PDSS2: variants seen among roughly 807,000 people sequenced by gnomAD.
PDSS2 encodes decaprenyl diphosphate synthase subunit 2.
PDSS2 carries 31 observed loss-of-function variants against 44.5 expected under a neutral mutation model. The ratio of observed to expected loss-of-function variants is 0.70; its 90% CI spans 0.52 to 0.94. PDSS2 has a LOEUF of 0.94. PDSS2 is among the 40% of genes least tolerant of loss of function. PDSS2 has a pLI of 0.00. For missense variants in PDSS2, 452 were observed against 482.2 expected, an observed-to-expected ratio of 0.94 and a Z score of 0.59; for synonymous variants, 157 against 180.3, an observed-to-expected ratio of 0.87 and a Z score of 1.03.
intron 1 of PDSS2, among the ~76,000 whole-genome samples, chr6:107,386,544 C>A (rs1779617595): frequency 6.6e-6 from 1 of 152,136 alleles, no homozygotes; most frequent in African/African-American, 2.4e-5. Flanking sequence ...TCTGACCATT[C>A]ATGTCATAAA....
At chr6:107,430,679 G>T (rs2114752318) in intron 1 of PDSS2, among the ~76,000 whole-genome samples, 1 of 151,132 alleles carries the variant, frequency 6.6e-6, no homozygotes, top group East Asian at 2.0e-4. Flanking sequence ...CGTGGTAGTG[G>T]GTGCCTGTAA....
At chr6:107,412,081 G>T (rs186912167) in intron 1 of PDSS2, among the ~76,000 whole-genome samples, 1 of 150,966 alleles carries the variant, frequency 6.6e-6, no homozygotes, top group Admixed American at 6.6e-5. Flanking sequence ...AGAAACGGGG[G>T]TTTCACCATG....
At chr6:107,203,787 C>A (rs1212779821) in intron 6 of PDSS2, among the ~76,000 whole-genome samples, 1 of 152,078 alleles carries the variant, frequency 6.6e-6, no homozygotes, top group Non-Finnish European at 1.5e-5. Context: ...CAGAAGGAGA[C>A]CTGTACCCAT....
chr6:107,408,426 T>C (rs1780389904), intron 1 of PDSS2, among the ~76,000 whole-genome samples: 1 of 152,212 alleles, frequency 6.6e-6, no homozygotes, highest in East Asian at 1.9e-4. Context: ...AGGACTCCCT[T>C]TGTTGTCCCA....
intron 4 of PDSS2, among the ~76,000 whole-genome samples, chr6:107,219,874 T>C (rs1168030519): frequency 1.3e-5 from 2 of 152,246 alleles, no homozygotes; most frequent in African/African-American, 4.8e-5. Flanking sequence ...TGTGTGCGTG[T>C]GTTTTAAATG....
At chr6:107,220,832 T>C (rs1773577581) in intron 4 of PDSS2, among the ~76,000 whole-genome samples, 1 of 152,204 alleles carries the variant, frequency 6.6e-6, no homozygotes, top group Non-Finnish European at 1.5e-5. Flanking sequence ...TATTACCTTT[T>C]ATGAGTTTGG....
intron 1 of PDSS2, among the ~76,000 whole-genome samples, chr6:107,429,595 T>C (rs148914520): frequency 0.02 from 3,006 of 151,868 alleles, 53 homozygotes; most frequent in Non-Finnish European, 0.027. Flanking sequence ...AAGAATATAC[T>C]AAACCTAGGG....
intron 2 of PDSS2, among the ~76,000 whole-genome samples, chr6:107,278,047 G>A (rs1329640828): frequency 6.6e-6 from 1 of 151,490 alleles, no homozygotes; most frequent in Non-Finnish European, 1.5e-5. Context: ...AAAAAAAACA[G>A]AATGGTTTAA....
chr6:107,167,359 T>A (rs1323780163), intron 7 of PDSS2, among the ~76,000 whole-genome samples: 31 of 152,152 alleles, frequency 2.0e-4, no homozygotes, highest in African/African-American at 7.2e-4. Context: ...TCTATTTGAT[T>A]CTTCTCTCTT....
intron 2 of PDSS2, among the ~76,000 whole-genome samples, chr6:107,329,060 T>C (rs1444006094): frequency 6.6e-6 from 1 of 152,226 alleles, no homozygotes; most frequent in Non-Finnish European, 1.5e-5. Context: ...ATTCCCTGGC[T>C]GACTCTCTAT....
At chr6:107,157,369 A>G (rs1554245843) in intron 7 of PDSS2, among the ~76,000 whole-genome samples, 1 of 152,048 alleles carries the variant, frequency 6.6e-6, no homozygotes, top group East Asian at 1.9e-4. Context: ...AACTTTTTGT[A>G]GAGATGAAGT....
At chr6:107,326,623 G>C (rs1339494127) in intron 2 of PDSS2, among the ~76,000 whole-genome samples, 1 of 151,802 alleles carries the variant, frequency 6.6e-6, no homozygotes, top group African/African-American at 2.4e-5. Context: ...AGGCCAAGGA[G>C]GGCAGATCAC....
chr6:107,164,160 TAA>T (rs200996183), intron 7 of PDSS2, among the ~76,000 whole-genome samples: 77 of 131,078 alleles, frequency 5.9e-4, no homozygotes, highest in Middle Eastern at 4.1e-3. Context: ...GGTTTATACT[TAA>T]AAAAAATTTT....
At chr6:107,283,318 C>A (rs557053809) in intron 2 of PDSS2, among the ~76,000 whole-genome samples, 58 of 151,374 alleles carry the variant, frequency 3.8e-4, no homozygotes, top group African/African-American at 1.4e-3. Flanking sequence ...AGAGTGAGAC[C>A]CTGTCTCTTA....
intron 2 of PDSS2, among the ~76,000 whole-genome samples, chr6:107,278,166 A>C (rs866504683): frequency 1.4e-4 from 22 of 152,194 alleles, no homozygotes; most frequent in African/African-American, 3.4e-4. Flanking sequence ...AAATTAAGAG[A>C]ATATGTAAAG....
chr6:107,391,553 C>T (rs1041698015), intron 1 of PDSS2, among the ~76,000 whole-genome samples: 1 of 151,892 alleles, frequency 6.6e-6, no homozygotes. Context: ...GATGCTTTAC[C>T]CCATTCAATA....
At chr6:107,175,660 G>A (rs964539719) in intron 7 of PDSS2, among the ~76,000 whole-genome samples, 4 of 152,098 alleles carry the variant, frequency 2.6e-5, no homozygotes, top group African/African-American at 9.7e-5. Flanking sequence ...TACCTCTACT[G>A]CAACACATAT....
At chr6:107,375,816 A>G (rs1489978793) in intron 1 of PDSS2, among the ~76,000 whole-genome samples, 1 of 152,236 alleles carries the variant, frequency 6.6e-6, no homozygotes, top group African/African-American at 2.4e-5. Flanking sequence ...GCAATATGTA[A>G]AAAGAATGAT....
intron 1 of PDSS2, among the ~76,000 whole-genome samples, chr6:107,383,552 G>A (rs949380559): frequency 2.0e-5 from 3 of 151,878 alleles, no homozygotes; most frequent in Non-Finnish European, 4.4e-5. Flanking sequence ...GAAAATATTT[G>A]CAAACCATGC....
Sources: gnomAD v4.1 joint callset for allele counts (sites outside exome capture counted in the v4.1 genomes callset) on GRCh38, gnomAD v4.1.1 for gene constraint, MANE v1.5 for transcripts, NCBI Gene and HGNC (gene_info 2026-07-23, HGNC 2026-07-21) for gene names.